Variants in SLC17A6 observed in about 807,000 individuals in gnomAD.
The protein encoded by SLC17A6 is vesicular glutamate transporter 2.
Under a neutral mutation model 67.1 loss-of-function variants are expected in SLC17A6, and 35 were observed. The observed-to-expected ratio is 0.52, with a 90% CI of 0.40 to 0.69. SLC17A6 has a LOEUF of 0.69. SLC17A6 is among the 30% of genes least tolerant of loss of function. The probability of loss-of-function intolerance (pLI) is 0.00; values close to 1 mark genes in which losing one functional copy is unlikely to be tolerated. For synonymous variants in SLC17A6, 285 were observed against 252.3 expected (o/e 1.13, Z -1.23); for missense variants, 588 against 723.9 (o/e 0.81, Z 2.15).
At position 22,378,946 on chromosome 11, in the gene SLC17A6, G is replaced by A. The variant is rs1590398231; in HGVS notation, c.*1206G>A. 1 of 152,374 alleles carries A rather than the reference G, an allele frequency of 6.6e-6. No individual in the cohort carries two copies. The allele number at this position is 152,374 out of a possible 1,614,324, so 9.4% of individuals were successfully genotyped here. A position where few individuals can be genotyped will look rare whatever the true frequency, so the allele number is the denominator to read the frequency against. On this transcript the variant is annotated 3_prime_UTR_variant, in exon 12 of 12. Transcript: ENST00000263160. ...AGCATACACCTAATGTTGGGTTAGG[G>A]AATTGCAATTTCTACTTTCATAGAG...
chr11:22,359,478 T>C lies in SLC17A6; in HGVS notation c.524T>C (p.Val175Ala). 1 of 1,607,736 alleles carries C rather than the reference T, an allele frequency of 6.2e-7. No homozygotes were observed. The change falls in exon 4 of 12, where the codon GTG (valine) becomes GCG (alanine). Residue 175 changes from valine (V) to alanine (A), a missense_variant. By Grantham distance (64) the Val-to-Ala change is moderately conservative (BLOSUM62 0). Coordinates refer to ENST00000263160, the MANE Select transcript of SLC17A6 (RefSeq NM_020346.3). ...LNMLIPSAAR[V>A]HYGCVIFVRI... ...ATGCTAATTCCATCAGCAGCCAGAG[T>C]GCATTATGGATGTGTCATCTTTGTC...
rs969395685 is a variant in SLC17A6, at chr11:22,378,991, G to A, written c.*1251G>A. ...ATAGAGTCATAGAATTTTAGGTGGG[G>A]AAGAGGCATTTTGCTTGTCATTTCT... On this transcript the variant is annotated 3_prime_UTR_variant, in exon 12 of 12. Transcript: ENST00000263160. 2.6e-5 allele frequency: 4 copies of A among 152,460 alleles called. No homozygotes were observed. Among genetic ancestry groups the A allele is most frequent in the African/African-American group, 9.7e-5 (4 of 41,404 alleles). 9.4% of individuals were successfully genotyped at this position (152,460 alleles called of 1,614,324 possible).
At chr11:22,370,731 T>G (rs532440713) in intron 8 of SLC17A6, among the ~76,000 whole-genome samples, 1 of 152,246 alleles carries the variant, frequency 6.6e-6, no homozygotes, top group East Asian at 1.9e-4. Context: ...TTATGTGAGA[T>G]GCAGAAATAA....
intron 3 of SLC17A6, among the ~76,000 whole-genome samples, chr11:22,352,455 C>T (rs981443563): frequency 6.6e-6 from 1 of 152,148 alleles, no homozygotes; most frequent in African/African-American, 2.4e-5. Flanking sequence ...AATAAATATT[C>T]ATAGAAGAAA....
intron 8 of SLC17A6, among the ~76,000 whole-genome samples, chr11:22,370,457 G>A (rs1856162826): frequency 6.6e-6 from 1 of 152,084 alleles, no homozygotes; most frequent in African/African-American, 2.4e-5. Flanking sequence ...GTTGGAGCGA[G>A]CAGCGGTGTA....
intron 1 of SLC17A6, among the ~76,000 whole-genome samples, chr11:22,339,919 A>G (rs964995181): frequency 1.6e-4 from 24 of 145,752 alleles, no homozygotes; most frequent in African/African-American, 2.3e-4. Context: ...AAAAAAAAAA[A>G]CCGCATTGGC....
chr11:22,367,462 A>G (rs1484409664), intron 7 of SLC17A6, among the ~76,000 whole-genome samples: 1 of 152,130 alleles, frequency 6.6e-6, no homozygotes, highest in African/African-American at 2.4e-5. Context: ...GTTTCCTTCT[A>G]TAAATAGACT....
At chr11:22,344,175 A>G (rs1855850832) in intron 3 of SLC17A6, among the ~76,000 whole-genome samples, 2 of 152,008 alleles carry the variant, frequency 1.3e-5, no homozygotes, top group African/African-American at 4.8e-5. Context: ...GAATTGTTGA[A>G]CCCACACAGA....
At position 22,338,459 on chromosome 11, in the gene SLC17A6, C is replaced by T. The variant is rs1437805858; in HGVS notation, c.-75C>T. 1.1e-5 allele frequency: 12 copies of T among 1,073,690 alleles called. No individual in the cohort carries two copies. The highest frequency in any genetic ancestry group is 1.7e-5 in the Non-Finnish European group (12 of 700,708). 66.5% of individuals were successfully genotyped at this position (1,073,690 alleles called of 1,614,324 possible). ...CCGCAACTACTTTAAGAGATTAAGACAATATGCGCAATCCTCGCCTTTCCT... is the reference window on the plus strand; with the variant it reads ...CCGCAACTACTTTAAGAGATTAAGATAATATGCGCAATCCTCGCCTTTCCT... On this transcript the variant is annotated 5_prime_UTR_variant, in exon 1 of 12. Coordinates refer to ENST00000263160, the MANE Select transcript of SLC17A6 (RefSeq NM_020346.3).
intron 3 of SLC17A6, among the ~76,000 whole-genome samples, chr11:22,354,758 C>A (rs899771555): frequency 1.3e-5 from 2 of 152,120 alleles, no homozygotes; most frequent in Admixed American, 1.3e-4. Flanking sequence ...ATGATGTTGG[C>A]AAGTTATTTT....
At chr11:22,341,908 T>A (rs1855820538) in intron 2 of SLC17A6, 128 bp downstream of exon 2, 1 of 1,359,124 alleles carries the variant, frequency 7.4e-7, no homozygotes, top group African/African-American at 1.5e-5. Flanking sequence ...AGCTCCTCTC[T>A]GGCTCTGCCG....
rs1295723471 is a variant in SLC17A6 at position 22,341,543 on chromosome 11, G to A, written c.102G>A (p.Lys34=). The A allele has an allele frequency of 1.9e-6, 3 of 1,613,786 alleles. No individual in the cohort carries two copies. The highest frequency in any genetic ancestry group is 2.5e-6 in the Non-Finnish European group (3 of 1,180,008). ...TGCCGCGCAGGGTGCTGGAGAAGAA[G>A]CAAGACACCGGGGAGACAATCGAGC... The part of the protein sequence containing the change: ...LGQIYRVLEK[K]QDTGETIELT... The change falls in exon 2 of 12, where the codon AAG becomes AAA. Residue 34 remains lysine (K), a synonymous_variant. Coordinates refer to ENST00000263160, the MANE Select transcript of SLC17A6 (RefSeq NM_020346.3).
At chr11:22,345,148 A>G (rs1025308720) in intron 3 of SLC17A6, among the ~76,000 whole-genome samples, 3 of 152,030 alleles carry the variant, frequency 2.0e-5, no homozygotes, top group Admixed American at 1.3e-4. Context: ...AACACCAGGG[A>G]TGCTCCAGCT....
chr11:22,376,213 G>T, intron 10 of SLC17A6, 121 bp downstream of exon 10: 1 of 580,076 alleles, frequency 1.7e-6, no homozygotes, highest in Non-Finnish European at 2.8e-6. Context: ...TTGAATAATA[G>T]TCAAATATTT....
chr11:22,349,778 T>A (rs1855918106), intron 3 of SLC17A6, among the ~76,000 whole-genome samples: 1 of 152,220 alleles, frequency 6.6e-6, no homozygotes. Flanking sequence ...CTCATGCCTG[T>A]GTATTCCCTG....
At chr11:22,345,865 C>A (rs574563458) in intron 3 of SLC17A6, among the ~76,000 whole-genome samples, 2 of 152,040 alleles carry the variant, frequency 1.3e-5, no homozygotes, top group Non-Finnish European at 2.9e-5. Context: ...CAGCCTGATA[C>A]CCCTATTATT....
chr11:22,361,083 G>A (rs1037859695), intron 5 of SLC17A6, 99 bp downstream of exon 5: 33 of 864,960 alleles, frequency 3.8e-5, no homozygotes, highest in South Asian at 3.1e-4. Flanking sequence ...AAACCATCTG[G>A]GTTTTGTATG....
At chr11:22,365,717 C>T (rs1228869852) in intron 7 of SLC17A6, 28 bp downstream of exon 7, 3 of 1,587,728 alleles carry the variant, frequency 1.9e-6, no homozygotes, top group African/African-American at 1.4e-5. Flanking sequence ...GTGTATATTC[C>T]TATCTTATTC....
intron 2 of SLC17A6, chr11:22,342,923 C>A (rs1449577201): frequency 2.1e-6 from 1 of 484,982 alleles, no homozygotes; most frequent in Admixed American, 2.3e-5. Flanking sequence ...GCTAACAAAT[C>A]TCTTCATGGG....
Sources: allele counts gnomAD v4.1 joint callset (sites outside exome capture counted in the v4.1 genomes callset), GRCh38; gene constraint gnomAD v4.1.1; transcripts MANE v1.5; gene names NCBI Gene and HGNC (gene_info 2026-07-23, HGNC 2026-07-21).